The following DYNC1H1 variants were observed in gnomAD, a reference collection of about 807,000 sequenced individuals.
The protein encoded by DYNC1H1 is dynein cytoplasmic 1 heavy chain 1, also known as cytoplasmic dynein 1 heavy chain 1.
DYNC1H1 carries 51 observed loss-of-function variants against 527.1 expected under a neutral mutation model. The observed-to-expected ratio is 0.10, with a 90% CI of 0.08 to 0.12. The LOEUF is 0.12. Among genes scored for constraint, DYNC1H1 ranks in the 10% least tolerant of loss-of-function variants. The pLI, the probability that DYNC1H1 is intolerant of heterozygous loss-of-function variation, is 1.00. For synonymous variants in DYNC1H1, 2,189 were observed against 2,278.8 expected (o/e 0.96, Z 1.12); for missense variants, 2,771 against 5,971.8 (o/e 0.46, Z 17.66).
chr14:101,967,344 A>G (rs969713064), intron 1 of DYNC1H1, among the ~76,000 whole-genome samples: 1 of 152,232 alleles, frequency 6.6e-6, no homozygotes, highest in African/African-American at 2.4e-5. Flanking sequence ...TTTAAACTGA[A>G]TAAAGATCAC....
chr14:101,970,762 C>T (rs1448897736), intron 1 of DYNC1H1, among the ~76,000 whole-genome samples: 5 of 152,058 alleles, frequency 3.3e-5, no homozygotes, highest in African/African-American at 9.7e-5. Flanking sequence ...GGACTGCAGG[C>T]GTGAGCCACT....
chr14:101,994,788 G>A lies in DYNC1H1; in HGVS notation c.3272G>A (p.Gly1091Glu). 2 of 1,614,218 alleles carry A rather than the reference G, an allele frequency of 1.2e-6. No individual in the cohort carries two copies. The highest frequency in any genetic ancestry group is 1.7e-6 in the Non-Finnish European group (2 of 1,180,044). Residue 1091 changes from glycine to glutamate, a missense_variant, in exon 13 of 78, where the codon GGA (glycine) becomes GAA (glutamate). Coordinates refer to ENST00000360184, the MANE Select transcript of DYNC1H1 (RefSeq NM_001376.5). ...ALLVQIRKARGTFDNAETKKE... is the reference protein window; with the variant it reads ...ALLVQIRKARETFDNAETKKE... ...CTGGTCCAAATAAGGAAGGCCAGAG[G>A]AACCTTTGACAATGCAGAAACCAAG...
At chr14:102,023,127 A>G in intron 43 of DYNC1H1, 3 of 512,730 alleles carry the variant, frequency 5.9e-6, no homozygotes, top group South Asian at 5.6e-5. Flanking sequence ...TAGCCAGGCA[A>G]GGTAACTCAC....
In DYNC1H1 at chr14:102,019,486, A is replaced by AT. The variant is rs1163469495; in HGVS notation, c.8344-401dup. 2.6e-5 allele frequency among the ~76,000 whole-genome samples: 4 copies of AT among 152,308 alleles called. No individual in the cohort carries two copies. In the South Asian group the frequency reaches 6.2e-4, roughly 24 times the overall value. On this transcript the variant is annotated intron_variant, in intron 41 of 77. Coordinates refer to ENST00000360184, the MANE Select transcript of DYNC1H1 (RefSeq NM_001376.5). ...TTTGCTTTTAAGTATTTTCAGAAGG[A>AT]TTTTTTGTAGTTTCATTGTTTAAAT...
rs368040742 is a variant in DYNC1H1 at position 102,000,410 on chromosome 14, A to T, written c.4074+11A>T. On this transcript the variant is annotated intron_variant, in intron 18 of 77. Transcript: ENST00000360184. ...GTACAGCCTCGAAAGGTATATCATG[A>T]AATCGGTGTTTGTGTACGTCTATTT... The T allele has an allele frequency of 2.5e-6, 4 of 1,613,192 alleles. No homozygotes were observed. The highest frequency in any genetic ancestry group is 1.3e-5 in the African/African-American group (1 of 74,906).
In DYNC1H1 at chr14:102,029,287, A is replaced by C; in HGVS notation, c.9469-252A>C. 1 of 542,134 alleles carries C rather than the reference A, an allele frequency of 1.8e-6. No homozygotes were observed. 33.6% of individuals were successfully genotyped at this position (542,134 alleles called of 1,614,324 possible). ...TGACATTTGTGATGCCTTTTCACAT[A>C]AGTACACCTCTAAAGTTGGTGTAAT... On this transcript the variant is annotated intron_variant, in intron 48 of 77. Coordinates refer to ENST00000360184, the MANE Select transcript of DYNC1H1 (RefSeq NM_001376.5). This position sits in a 1 kb window ranked among gnomAD's most constrained non-coding sequence, Gnocchi z 5.3.
In DYNC1H1 at chr14:101,964,853, G is replaced by A. The variant is rs1322653837; in HGVS notation, c.162G>A (p.Ala54=). The change falls in exon 1 of 78, where the codon GCG becomes GCA. Residue 54 remains alanine, a synonymous_variant. Transcript: ENST00000360184. This position sits in a 1 kb window ranked among gnomAD's most constrained non-coding sequence, Gnocchi z 5.5. ...DGGEAPAALE[A]ALEEKSALEQ... is the part of the protein sequence containing the mutation. Reference sequence around the variant, plus strand: ...GCGAGGCGCCGGCCGCGCTGGAGGCGGCGCTGGAGGAGAAGAGCGCCCTGG... The same window carrying A: ...GCGAGGCGCCGGCCGCGCTGGAGGCAGCGCTGGAGGAGAAGAGCGCCCTGG... 1 of 1,598,082 alleles carries A rather than the reference G, an allele frequency of 6.3e-7. No homozygotes were observed. Among genetic ancestry groups the A allele is most frequent in the Non-Finnish European group, 8.5e-7 (1 of 1,173,294 alleles).
chr14:101,984,192 G>A (rs1265849690), intron 7 of DYNC1H1, among the ~76,000 whole-genome samples: 1 of 151,054 alleles, frequency 6.6e-6, no homozygotes, highest in African/African-American at 2.4e-5. Flanking sequence ...GTCTCACCAT[G>A]TTGCCCAGGC....
intron 48 of DYNC1H1, chr14:102,028,929 A>G (rs2048480172): frequency 6.1e-6 from 1 of 164,416 alleles, no homozygotes; most frequent in African/African-American, 2.4e-5. Flanking sequence ...TCATTACTGA[A>G]AAATGCAAGG....
rs2048495495 is a variant in DYNC1H1 at position 102,030,275 on chromosome 14, C to T, written c.9876C>T (p.Ala3292=). The T allele has an allele frequency of 6.2e-7, 1 of 1,613,966 alleles. No homozygotes were observed. The highest frequency in any genetic ancestry group is 1.1e-5 in the South Asian group (1 of 91,062). ...LDKVEPAVIE[A]QNAVKSIKKQ... The stretch of plus-strand genomic sequence containing the variant: ...AGGTGGAACCTGCCGTCATTGAGGC[C>T]CAGAATGGTATGTAAAGACTGTCAG... The change falls in exon 51 of 78, where the codon GCC becomes GCT. Residue 3292 remains alanine (A), a synonymous_variant. Transcript: ENST00000360184.
rs2048307487 is a variant in DYNC1H1, at chr14:102,015,304, G to A, written c.7214G>A (p.Gly2405Glu). 6.2e-7 allele frequency: 1 copy of A among 1,613,706 alleles called. No homozygotes were observed. Among genetic ancestry groups the A allele is most frequent in the Non-Finnish European group, 8.5e-7 (1 of 1,179,790 alleles). The change falls in exon 35 of 78, where the codon GGG becomes GAG. Residue 2405 changes from glycine to glutamate, a missense_variant. Transcript: ENST00000360184. The surrounding 1 kb of genome is among the most constrained non-coding windows in gnomAD (Gnocchi z 6.9). ...QRRRKGKEDE[G>E]EEAASPMLQI... ...CGGCGTAAGGGCAAAGAGGATGAGG[G>A]GGAGGAGGCCGCTTCCCCCATGCTG...
chr14:101,981,081 T>TTTTTG (rs904875376), intron 5 of DYNC1H1, among the ~76,000 whole-genome samples: 1 of 152,096 alleles, frequency 6.6e-6, no homozygotes, highest in Non-Finnish European at 1.5e-5. Flanking sequence ...GTGATGTTGT[T>TTTTTG]TTTTGTTTTG....
At chr14:102,021,746 G>A (rs906136015) in intron 42 of DYNC1H1, among the ~76,000 whole-genome samples, 14 of 143,070 alleles carry the variant, frequency 9.8e-5, no homozygotes, top group African/African-American at 3.1e-4. Flanking sequence ...TGCAATCTCC[G>A]TCTCCTGGGT....
intron 10 of DYNC1H1, among the ~76,000 whole-genome samples, chr14:101,989,841 C>T (rs563367191): frequency 6.6e-6 from 1 of 152,336 alleles, no homozygotes; most frequent in South Asian, 2.1e-4. Context: ...TGCAAAATGA[C>T]ATTTCAGTCA....
rs554739899 is a variant in DYNC1H1 at position 102,018,657 on chromosome 14, C to G, written c.8343+41C>G. The G allele has an allele frequency of 1.2e-6, 2 of 1,608,280 alleles. No individual in the cohort carries two copies. The highest frequency in any genetic ancestry group is 1.7e-5 in the Admixed American group (1 of 59,746). On this transcript the variant is annotated intron_variant, in intron 41 of 77. Transcript: ENST00000360184. This position sits in a 1 kb window ranked among gnomAD's most constrained non-coding sequence, Gnocchi z 5.2. The stretch of plus-strand genomic sequence containing the variant: ...TTGCTCTTCCAGAAATTGTTTTCCT[C>G]TCATAATTAAGGCACTCGATTGGTC...
intron 42 of DYNC1H1, among the ~76,000 whole-genome samples, chr14:102,021,271 G>A (rs1325572452): frequency 1.3e-5 from 2 of 152,088 alleles, no homozygotes. Flanking sequence ...CAGCTACTTG[G>A]GAGGCTGAGA....
chr14:101,990,195 A>G (rs1229132595), intron 10 of DYNC1H1, among the ~76,000 whole-genome samples: 19 of 152,158 alleles, frequency 1.2e-4, no homozygotes, highest in Non-Finnish European at 5.9e-5. Flanking sequence ...ATTCTTGTTG[A>G]GTGTAAAGCA....
rs1443892260 is a variant in DYNC1H1, at chr14:102,040,265, ACTT to A, written c.11724_11726del (p.Phe3908del). 6.2e-7 allele frequency: 1 copy of A among 1,614,146 alleles called. No individual in the cohort carries two copies. The highest frequency in any genetic ancestry group is 1.7e-5 in the Admixed American group (1 of 60,018). ...CCCACCTACGATGCAGAATTCCAGC[ACTT>A]CTTGAGAGGAAATGAGATTGTCCTG... On this transcript the variant is annotated inframe_deletion, in exon 63 of 78. Transcript: ENST00000360184.
chr14:101,997,149 C>G lies in DYNC1H1; in HGVS notation c.3679C>G (p.Arg1227Gly). 1 of 1,614,112 alleles carries G rather than the reference C, an allele frequency of 6.2e-7. No individual in the cohort carries two copies. The highest frequency in any genetic ancestry group is 8.5e-7 in the Non-Finnish European group (1 of 1,180,006). ...EWGAFNDIMR[R>G]KDSAIQQQVA... is the part of the protein sequence containing the mutation. ...GGGAGCCTTCAATGACATCATGCGGCGAAAGGACTCTGCCATTCAGCAGCA... is the reference window on the plus strand; with the variant it reads ...GGGAGCCTTCAATGACATCATGCGGGGAAAGGACTCTGCCATTCAGCAGCA... The change falls in exon 16 of 78, where the codon CGA (arginine) becomes GGA (glycine). Residue 1227 changes from arginine (R) to glycine (G), a missense_variant. Around this residue, in one of 32 missense-constraint regions of DYNC1H1, gnomAD observed 223 missense variants for 462.5 expected, o/e 0.48. Coordinates refer to ENST00000360184, the MANE Select transcript of DYNC1H1 (RefSeq NM_001376.5). This position sits in a 1 kb window ranked among gnomAD's most constrained non-coding sequence, Gnocchi z 4.8.
Sources: allele counts gnomAD v4.1 joint callset (sites outside exome capture counted in the v4.1 genomes callset), GRCh38; gene constraint gnomAD v4.1.1; regional missense constraint gnomAD v4.1.1; non-coding constraint Gnocchi (gnomAD v3.1); transcripts MANE v1.5; gene names NCBI Gene and HGNC (gene_info 2026-07-23, HGNC 2026-07-21).